The following NCOA2 variants were observed in gnomAD, a reference collection of about 807,000 sequenced individuals.
NCOA2 encodes nuclear receptor coactivator 2.
Under a neutral mutation model 145.1 loss-of-function variants are expected in NCOA2, and 21 were observed. That is an observed-to-expected ratio of 0.14 (90% CI 0.10 to 0.21). NCOA2 has a LOEUF of 0.21. NCOA2 is among the 10% of genes least tolerant of loss of function. NCOA2 has a pLI of 1.00. For synonymous variants in NCOA2, 619 were observed against 637.5 expected, an observed-to-expected ratio of 0.97 and a Z score of 0.44; for missense variants, 1,472 against 1,837.6, an observed-to-expected ratio of 0.80 and a Z score of 3.64.
At chr8:70,302,139 A>C (rs1827557201) in intron 1 of NCOA2, among the ~76,000 whole-genome samples, 1 of 152,192 alleles carries the variant, frequency 6.6e-6, no homozygotes, top group South Asian at 2.1e-4. Flanking sequence ...CAGATTATTG[A>C]ACATGATATT....
Position 70,280,085 on chromosome 8 carries a change from C to CTA in NCOA2, c.-20+16657_-20+16658dup, listed in dbSNP as rs560346049. 2.2e-4 allele frequency among the ~76,000 whole-genome samples: 34 copies of CTA among 152,178 alleles called. 1 individual carries two copies. Among genetic ancestry groups the CTA allele is most frequent in the Non-Finnish European group, 3.5e-4 (24 of 68,030 alleles). ...TTAGTCTACCTTAGGCATTAAGAGACTATACCTACCTTTCAAGCATCTGCC... is the reference window on the plus strand; with the variant it reads ...TTAGTCTACCTTAGGCATTAAGAGACTATATACCTACCTTTCAAGCATCTGCC... On this transcript the variant is annotated intron_variant, in intron 2 of 22. Coordinates refer to ENST00000452400, the MANE Select transcript of NCOA2 (RefSeq NM_006540.4).
intron 14 of NCOA2, among the ~76,000 whole-genome samples, 162 bp from the exon 15 acceptor site, chr8:70,138,494 T>C (rs1810002427): frequency 1.3e-5 from 2 of 152,208 alleles, no homozygotes; most frequent in African/African-American, 4.8e-5. Flanking sequence ...GATTCTGAAA[T>C]AGAAGTCAAT....
chr8:70,152,884 ATAGT>A (rs796985903), intron 11 of NCOA2, among the ~76,000 whole-genome samples: 3 of 152,356 alleles, frequency 2.0e-5, no homozygotes, highest in African/African-American at 7.2e-5. Flanking sequence ...AGACTCATTA[ATAGT>A]TTGTTTTATC....
chr8:70,404,292 G>A (rs1166625639), upstream of NCOA2, among the ~76,000 whole-genome samples: 1 of 152,246 alleles, frequency 6.6e-6, no homozygotes, highest in Non-Finnish European at 1.5e-5. Flanking sequence ...CTAGCGACTG[G>A]GACGGGCCTG....
At chr8:70,122,796 T>C (rs1219237905) in intron 21 of NCOA2, among the ~76,000 whole-genome samples, 3 of 152,260 alleles carry the variant, frequency 2.0e-5, no homozygotes, top group African/African-American at 4.8e-5. Context: ...CAGAATTAAA[T>C]AGATCTAATC....
At chr8:70,296,523 G>A (rs1006611867) in intron 2 of NCOA2, among the ~76,000 whole-genome samples, 3 of 152,060 alleles carry the variant, frequency 2.0e-5, no homozygotes, top group African/African-American at 7.2e-5. Context: ...AATAGATATA[G>A]TAACCACTGA....
chr8:70,298,706 C>T (rs900636913), intron 1 of NCOA2, among the ~76,000 whole-genome samples: 10 of 152,172 alleles, frequency 6.6e-5, no homozygotes, highest in Non-Finnish European at 1.2e-4. Context: ...CTATACTATT[C>T]AGTAAGCTTT....
chr8:70,408,968 G>A, the NCOA2 span, among the ~76,000 whole-genome samples: 3 of 152,086 alleles, frequency 2.0e-5, no homozygotes, highest in African/African-American at 7.2e-5. Flanking sequence ...ACCAGGTATA[G>A]TGGCTCATGC....
rs10504475 is a variant in NCOA2 at position 70,349,195 on chromosome 8, G to A, written c.-76-52395C>T. On this transcript the variant is annotated intron_variant, in intron 1 of 22. Transcript: ENST00000452400. ...ATAGTCCCTACTATTAAAATGTGAC[G>A]TCAAGAAAATCAAGCAAAAACAAAC... Among the ~76,000 whole-genome samples the A allele has an allele frequency of 2.1e-3, 321 of 151,880 alleles. 2 individuals carry two copies. Among genetic ancestry groups the A allele is most frequent in the Admixed American group, 0.018 (267 of 15,238 alleles).
rs1027445473 is a variant in NCOA2, at chr8:70,111,954, C to A, written c.*1678G>T. The stretch of plus-strand genomic sequence containing the variant: ...TAAGGAGAAATAGCTCAAAAAAGGT[C>A]ATCAGTTTCTTGGTATTGGAGTTGT... On this transcript the variant is annotated 3_prime_UTR_variant, in exon 23 of 23. Transcript: ENST00000452400. 1.3e-5 allele frequency: 3 copies of A among 222,298 alleles called. No homozygotes were observed. The highest frequency in any genetic ancestry group is 5.7e-5 in the Admixed American group (1 of 17,398). 13.8% of individuals were successfully genotyped at this position (222,298 alleles called of 1,614,324 possible).
chr8:70,133,668 AC>A (rs1229332526), intron 15 of NCOA2, among the ~76,000 whole-genome samples: 2 of 150,602 alleles, frequency 1.3e-5, no homozygotes, highest in African/African-American at 5.0e-5. Context: ...AGATTAAAAA[AC>A]AAACAAAAAG....
chr8:70,281,523 G>A (rs939110199), intron 2 of NCOA2, among the ~76,000 whole-genome samples: 3 of 152,088 alleles, frequency 2.0e-5, no homozygotes, highest in Non-Finnish European at 4.4e-5. Flanking sequence ...GGGAAAAGGT[G>A]AATTAAGTAC....
intron 12 of NCOA2, among the ~76,000 whole-genome samples, chr8:70,145,780 C>T (rs1810991090): frequency 6.6e-6 from 1 of 152,238 alleles, no homozygotes; most frequent in African/African-American, 2.4e-5. Flanking sequence ...CAGGTAAGTA[C>T]CACCAGGTCT....
chr8:70,379,317 G>A (rs752498154), intron 1 of NCOA2, among the ~76,000 whole-genome samples: 43 of 152,190 alleles, frequency 2.8e-4, no homozygotes, highest in Admixed American at 6.5e-4. Flanking sequence ...TGATAAGGAC[G>A]GGACAAACCC....
At chr8:70,275,175 C>T (rs775196932) in intron 2 of NCOA2, among the ~76,000 whole-genome samples, 41 of 152,170 alleles carry the variant, frequency 2.7e-4, no homozygotes, top group Non-Finnish European at 4.7e-4. Context: ...TTCTCTAATT[C>T]TCAAGTTTTA....
chr8:70,235,843 CA>C (rs1445036255), intron 2 of NCOA2, among the ~76,000 whole-genome samples: 6 of 152,070 alleles, frequency 3.9e-5, no homozygotes, highest in African/African-American at 1.2e-4. Context: ...GACCTTGTCT[CA>C]AAAAACAAAT....
At chr8:70,292,269 C>G (rs1051280499) in intron 2 of NCOA2, among the ~76,000 whole-genome samples, 2 of 151,808 alleles carry the variant, frequency 1.3e-5, no homozygotes, top group African/African-American at 4.8e-5. Context: ...TCTCCCACCT[C>G]AGCCTCCCAA....
At chr8:70,375,935 CCT>C (rs1434947364) in intron 1 of NCOA2, among the ~76,000 whole-genome samples, 4 of 152,042 alleles carry the variant, frequency 2.6e-5, no homozygotes, top group African/African-American at 9.7e-5. Context: ...AATTTTATCC[CCT>C]GACAATAAGA....
intron 1 of NCOA2, among the ~76,000 whole-genome samples, chr8:70,379,336 A>C (rs1008076009): frequency 6.6e-6 from 1 of 152,186 alleles, no homozygotes; most frequent in Non-Finnish European, 1.5e-5. Context: ...CCTATGTTTT[A>C]GAAATATTTG....
Sources: allele counts gnomAD v4.1 joint callset (sites outside exome capture counted in the v4.1 genomes callset), GRCh38; gene constraint gnomAD v4.1.1; transcripts MANE v1.5; gene names NCBI Gene and HGNC (gene_info 2026-07-23, HGNC 2026-07-21).